SPATA13: variants seen among roughly 807,000 people sequenced by gnomAD.
SPATA13 encodes the protein spermatogenesis-associated protein 13.
SPATA13 carries 50 observed loss-of-function variants against 104.0 expected under a neutral mutation model. The observed-to-expected ratio is 0.48, with a 90% CI of 0.38 to 0.61. The LOEUF is 0.61. Ranked by LOEUF, SPATA13 falls within the 20% of genes least tolerant of loss-of-function variation. The probability of loss-of-function intolerance (pLI) is 0.00; values close to 1 mark genes in which losing one functional copy is unlikely to be tolerated. For synonymous variants in SPATA13, 606 were observed against 667.5 expected, an observed-to-expected ratio of 0.91 and a Z score of 1.42; for missense variants, 1,524 against 1,690.6, an observed-to-expected ratio of 0.90 and a Z score of 1.73.
chr13:24,169,955 T>C (rs377368045), intron 1 of SPATA13, among the ~76,000 whole-genome samples: 142 of 152,288 alleles, frequency 9.3e-4, no homozygotes, highest in African/African-American at 3.3e-3. Context: ...AAGCAAGAAC[T>C]CTCCCTGCTT....
intron 4 of SPATA13, among the ~76,000 whole-genome samples, chr13:24,269,382 ATGTATGTGTGTATG>A (rs1874449982): frequency 6.6e-6 from 1 of 151,766 alleles, no homozygotes; most frequent in African/African-American, 2.4e-5. Context: ...GTGTGTATGT[ATGTATGTGTGTATG>A]TATGTATGTA....
intron 2 of SPATA13, among the ~76,000 whole-genome samples, chr13:24,226,326 A>G (rs1871940002): frequency 6.6e-6 from 1 of 152,166 alleles, no homozygotes; most frequent in Admixed American, 6.5e-5. Context: ...TTAATTTCCT[A>G]GGAATGAATT....
In SPATA13 at chr13:24,088,755, A is replaced by G. The variant is rs544007571; in HGVS notation, c.-112+71054A>G. Among the ~76,000 whole-genome samples, 3 of 152,304 alleles carry G rather than the reference A, an allele frequency of 2.0e-5. No homozygotes were observed. Among genetic ancestry groups the G allele is most frequent in the Non-Finnish European group, 4.4e-5 (3 of 68,032 alleles). Reference sequence around the variant, plus strand: ...CGTTTCCAGGGCCAGGTGCTGAGCCAGTTCTGAGAGCCAATCTGCCATCAT... The same window carrying G: ...CGTTTCCAGGGCCAGGTGCTGAGCCGGTTCTGAGAGCCAATCTGCCATCAT... On this transcript the variant is annotated intron_variant, in intron 3 of 14. Coordinates refer to the SPATA13 transcript ENST00000424834. This position sits in a 1 kb window ranked among gnomAD's most constrained non-coding sequence, Gnocchi z 4.3.
chr13:24,059,347 T>C (rs187310395), intron 3 of SPATA13, among the ~76,000 whole-genome samples: 34 of 151,686 alleles, frequency 2.2e-4, no homozygotes, highest in Non-Finnish European at 4.3e-4. Context: ...AAAAAAGGCT[T>C]GTCTTTGATC....
chr13:24,283,510 C>A (rs1174930731), intron 4 of SPATA13, among the ~76,000 whole-genome samples: 3 of 152,192 alleles, frequency 2.0e-5, no homozygotes, highest in African/African-American at 7.2e-5. Flanking sequence ...CTCATTTTCC[C>A]AAGAAAGAAA....
rs1180568477 is a variant in SPATA13, at chr13:24,223,200, C to T, written c.271C>T (p.His91Tyr). The T allele has an allele frequency of 1.2e-5, 18 of 1,551,732 alleles. No individual in the cohort carries two copies. The highest frequency in any genetic ancestry group is 7.8e-5 in the Admixed American group (4 of 51,014). Residue 91 changes from histidine to tyrosine, a missense_variant, in exon 2 of 13, where the codon CAC becomes TAC. This residue lies in a region of SPATA13 where 1,089 missense variants were observed against 1,135.9 expected (regional missense o/e 0.96). Transcript: ENST00000382108. ...GACGGGTGCCCACCCCGAGCGGCCC[C>T]ACTCCATGGTCCTGGTGGGGAACTC... ...KRTGAHPERP[H>Y]SMVLVGNSST...
At chr13:24,039,952 C>G (rs1165823120) in intron 3 of SPATA13, among the ~76,000 whole-genome samples, 1 of 152,212 alleles carries the variant, frequency 6.6e-6, no homozygotes, top group Non-Finnish European at 1.5e-5. Context: ...GAGGGCCTTT[C>G]TGAGTGGTGG....
At chr13:24,155,866 A>C (rs1882243163), upstream of SPATA13, among the ~76,000 whole-genome samples, 1 of 152,186 alleles carries the variant, frequency 6.6e-6, no homozygotes, top group Non-Finnish European at 1.5e-5. Flanking sequence ...GCCTCTGGCA[A>C]TCACCATTCT....
At position 24,170,113 on chromosome 13, in the gene SPATA13, A is replaced by T. The variant is rs553156195; in HGVS notation, c.-112+9181A>T. ...CTTCAGTTTACCACATTAGGCCTCA[A>T]ATATCTGCAGGGGGATAGGTCAAAT... On this transcript the variant is annotated intron_variant, in intron 1 of 12. Coordinates refer to ENST00000382108, the MANE Select transcript of SPATA13 (RefSeq NM_001166271.3). 7.9e-5 allele frequency among the ~76,000 whole-genome samples: 12 copies of T among 152,316 alleles called. No individual in the cohort carries two copies. In the South Asian group the frequency reaches 2.1e-3, roughly 26 times the overall value.
At chr13:24,044,688 ATTC>A (rs1207442953) in intron 3 of SPATA13, among the ~76,000 whole-genome samples, 1 of 152,184 alleles carries the variant, frequency 6.6e-6, no homozygotes, top group African/African-American at 2.4e-5. Flanking sequence ...TTCAAAATTC[ATTC>A]TTCTAGTTAT....
intron 3 of SPATA13, among the ~76,000 whole-genome samples, chr13:24,099,661 C>T (rs1452105768): frequency 6.6e-6 from 1 of 152,220 alleles, no homozygotes; most frequent in Non-Finnish European, 1.5e-5. Context: ...GACCAGGCCC[C>T]TGGATGTAGC....
At chr13:24,271,971 GA>G (rs1477273831) in intron 4 of SPATA13, among the ~76,000 whole-genome samples, 11 of 151,468 alleles carry the variant, frequency 7.3e-5, no homozygotes, top group Admixed American at 1.3e-4. Context: ...TTAGAAAAAG[GA>G]AAAAAAAAGT....
intron 2 of SPATA13, among the ~76,000 whole-genome samples, chr13:24,243,197 T>C (rs1872944586): frequency 6.6e-6 from 1 of 152,250 alleles, no homozygotes; most frequent in Admixed American, 6.5e-5. Flanking sequence ...TCAGAATCAA[T>C]ACCTCACACT....
intron 4 of SPATA13, among the ~76,000 whole-genome samples, chr13:24,280,871 C>T (rs919532491): frequency 1.3e-5 from 2 of 152,254 alleles, no homozygotes; most frequent in Middle Eastern, 3.4e-3. Flanking sequence ...TCCTGCTCTC[C>T]GACTGTACGC....
chr13:24,122,996 A>G (rs1433316239), intron 3 of SPATA13: 3 of 859,132 alleles, frequency 3.5e-6, no homozygotes, highest in African/African-American at 3.3e-5. Flanking sequence ...CTTTGTCATC[A>G]CTACCTTCTT....
At chr13:24,125,013 A>T (rs145575597) in intron 3 of SPATA13, among the ~76,000 whole-genome samples, 2 of 152,234 alleles carry the variant, frequency 1.3e-5, no homozygotes, top group Non-Finnish European at 2.9e-5. Flanking sequence ...GACAGGAAAC[A>T]TTAGAGAATG....
intron 4 of SPATA13, among the ~76,000 whole-genome samples, chr13:24,263,973 A>G (rs910144255): frequency 1.3e-5 from 2 of 152,212 alleles, no homozygotes; most frequent in African/African-American, 4.8e-5. Context: ...GACTACAAAT[A>G]TGGCCTTTAG....
intron 3 of SPATA13, among the ~76,000 whole-genome samples, chr13:24,140,775 A>T (rs1881737360): frequency 6.6e-6 from 1 of 152,266 alleles, no homozygotes; most frequent in East Asian, 1.9e-4. Context: ...TAACTTCATT[A>T]GTGATGGACA....
chr13:24,267,041 T>TA (rs920748883), intron 4 of SPATA13, among the ~76,000 whole-genome samples: 74 of 147,698 alleles, frequency 5.0e-4, no homozygotes, highest in Admixed American at 6.1e-4. Context: ...CTCTGATCAC[T>TA]AAAAAAAAAA....
Sources: allele counts gnomAD v4.1 joint callset (sites outside exome capture counted in the v4.1 genomes callset), GRCh38; gene constraint gnomAD v4.1.1; regional missense constraint gnomAD v4.1.1; non-coding constraint Gnocchi (gnomAD v3.1); transcripts MANE v1.5; gene names NCBI Gene and HGNC (gene_info 2026-07-23, HGNC 2026-07-21).